Variants in PDE6C observed in about 807,000 individuals in gnomAD.
PDE6C encodes the protein phosphodiesterase 6C.
Under a neutral mutation model 113.1 loss-of-function variants are expected in PDE6C, and 75 were observed. That is an observed-to-expected ratio of 0.66 (90% CI 0.55 to 0.80). The LOEUF (loss-of-function observed/expected upper bound fraction) is 0.80. PDE6C is among the 30% of genes least tolerant of loss of function. The pLI, the probability that PDE6C is intolerant of heterozygous loss-of-function variation, is 0.00. For synonymous variants in PDE6C, 375 were observed against 363.7 expected (o/e 1.03, Z -0.35); for missense variants, 912 against 1,038.6 (o/e 0.88, Z 1.67).
chr10:93,616,887 C>T (rs2058422507), intron 1 of PDE6C, among the ~76,000 whole-genome samples: 1 of 152,118 alleles, frequency 6.6e-6, no homozygotes, highest in African/African-American at 2.4e-5. Context: ...CTTCTGACCT[C>T]GTGATCTGCC....
At chr10:93,633,465 CAA>C (rs111369291) in intron 8 of PDE6C, among the ~76,000 whole-genome samples, 191 of 87,296 alleles carry the variant, frequency 2.2e-3, no homozygotes, top group Non-Finnish European at 3.0e-3. Context: ...GACCCTGTCT[CAA>C]AAAAAAAAAA....
chr10:93,622,270 T>C (rs932806916), intron 4 of PDE6C, among the ~76,000 whole-genome samples, 198 bp downstream of exon 4: 6 of 148,986 alleles, frequency 4.0e-5, no homozygotes, highest in South Asian at 2.1e-4. Flanking sequence ...CCTAGTAATA[T>C]GGGTTTTCAG....
At chr10:93,621,079 T>G in intron 3 of PDE6C, 99 bp downstream of exon 3, 2 of 952,932 alleles carry the variant, frequency 2.1e-6, no homozygotes, top group Non-Finnish European at 3.4e-6. Flanking sequence ...CCTGGGGGTG[T>G]AAGCCACGTG....
At chr10:93,620,187 C>T (rs2058438534) in intron 1 of PDE6C, among the ~76,000 whole-genome samples, 1 of 152,142 alleles carries the variant, frequency 6.6e-6, no homozygotes, top group Non-Finnish European at 1.5e-5. Flanking sequence ...TATGTTATGA[C>T]ATATGGGTTG....
In PDE6C at chr10:93,622,656, TTTTTTGTTG is replaced by T. The variant is rs1374787498; in HGVS notation, c.864+590_864+598del. ...AGCCACAGGTTTTTTTTTTGTTTTT[TTTTTTGTTG>T]TTTTTTTTTTTTTGCTGTTTCTATA... On this transcript the variant is annotated intron_variant, in intron 4 of 21. Coordinates refer to ENST00000371447, the MANE Select transcript of PDE6C (RefSeq NM_006204.4). Among the ~76,000 whole-genome samples the T allele has an allele frequency of 3.7e-3, 265 of 71,730 alleles. 15 individuals carry two copies. The highest frequency in any genetic ancestry group is 7.0e-3 in the African/African-American group (127 of 18,098). 47.1% of individuals were successfully genotyped at this position (71,730 alleles called of 152,430 possible). A position where few individuals can be genotyped will look rare whatever the true frequency, so the allele number is the denominator to read the frequency against.
intron 15 of PDE6C, among the ~76,000 whole-genome samples, chr10:93,654,786 CTTT>C (rs1564804742): frequency 2.1e-4 from 15 of 71,350 alleles, no homozygotes; most frequent in African/African-American, 5.9e-4. Context: ...TTCTTTCTTT[CTTT>C]CTTTCTTTCT....
In PDE6C at chr10:93,612,645, A is replaced by T; in HGVS notation, c.-81A>T. On this transcript the variant is annotated 5_prime_UTR_variant, in exon 1 of 22. Coordinates refer to ENST00000371447, the MANE Select transcript of PDE6C (RefSeq NM_006204.4). ...TTCCTCAGTAATTTCCACCAGGATG[A>T]ATTTCCTTCTCATCACTCTGCCTCA... 1 of 1,593,918 alleles carries T rather than the reference A, an allele frequency of 6.3e-7. No homozygotes were observed. The highest frequency in any genetic ancestry group is 8.6e-7 in the Non-Finnish European group (1 of 1,165,952).
Position 93,665,706 on chromosome 10 carries a change from G to T in PDE6C, c.*288G>T. 4.9e-6 allele frequency: 2 copies of T among 407,164 alleles called. No homozygotes were observed. The highest frequency in any genetic ancestry group is 4.7e-5 in the South Asian group (2 of 43,000). 25.2% of individuals were successfully genotyped at this position (407,164 alleles called of 1,614,324 possible). On this transcript the variant is annotated 3_prime_UTR_variant, in exon 22 of 22. Transcript: ENST00000371447. ...CAAATTCTTTTTTAAAACATTAATT[G>T]TATTTATTTGCTAAGGCTGCTATAA...
At chr10:93,642,827 C>G (rs1449039710) in intron 14 of PDE6C, among the ~76,000 whole-genome samples, 4 of 152,174 alleles carry the variant, frequency 2.6e-5, no homozygotes, top group African/African-American at 9.7e-5. Context: ...GCAGTGACTC[C>G]TCATCTTCAG....
chr10:93,635,047 A>G lies in PDE6C; in HGVS notation c.1269+140A>G. The G allele has an allele frequency of 5.2e-6, 5 of 957,844 alleles. No individual in the cohort carries two copies. The South Asian group carries it at 5.8e-5, about 11-fold the overall frequency. 59.3% of individuals were successfully genotyped at this position (957,844 alleles called of 1,614,324 possible). On this transcript the variant is annotated intron_variant, in intron 9 of 21. Transcript: ENST00000371447. ...ACATAGCTGTAACCAATATGTTGTT[A>G]TTTTGTCGTTTCTATTTCCTGACTT... is the stretch of plus-strand genomic sequence containing the variant.
In PDE6C at chr10:93,625,612, T is replaced by C; in HGVS notation, c.902T>C (p.Val301Ala). The C allele has an allele frequency of 6.2e-7, 1 of 1,613,800 alleles. No individual in the cohort carries two copies. Among genetic ancestry groups the C allele is most frequent in the South Asian group, 1.1e-5 (1 of 91,080 alleles). The change falls in exon 5 of 22, where the codon GTA becomes GCA. Residue 301 changes from valine to alanine, a missense_variant. Coordinates refer to ENST00000371447, the MANE Select transcript of PDE6C (RefSeq NM_006204.4). ...GAATGGCCAATCAAGCTTGGAGAAG[T>C]AGAGCCTTATAAAGGTCCAAAGACA... ...YDEWPIKLGE[V>A]EPYKGPKTPD...
intron 15 of PDE6C, among the ~76,000 whole-genome samples, chr10:93,651,190 A>G (rs10786119): frequency 0.46 from 70,551 of 152,058 alleles, 17,340 homozygotes; most frequent in Non-Finnish European, 0.54. Context: ...GCCTAGTACC[A>G]TGGAAGAAGG....
intron 14 of PDE6C, among the ~76,000 whole-genome samples, chr10:93,643,352 A>T (rs909468562): frequency 6.6e-6 from 1 of 152,038 alleles, no homozygotes; most frequent in Non-Finnish European, 1.5e-5. Context: ...TCCTGACTGC[A>T]GACTGTCAGT....
intron 9 of PDE6C, 63 bp from the exon 10 acceptor site, chr10:93,635,434 G>A (rs1026891669): frequency 2.3e-6 from 3 of 1,328,004 alleles, no homozygotes; most frequent in African/African-American, 1.4e-5. Flanking sequence ...CGTGCAGATT[G>A]TTGCCTCCAA....
rs2058475552 is a variant in PDE6C at position 93,626,861 on chromosome 10, A to G, written c.1061A>G (p.Glu354Gly). The change falls in exon 7 of 22, where the codon GAA becomes GGA. Residue 354 changes from glutamate to glycine, a missense_variant. Coordinates refer to ENST00000371447, the MANE Select transcript of PDE6C (RefSeq NM_006204.4). ...AGTGGGTTGCCAACATATGTTGCTG[A>G]AAATGGATTTGTAAGTTATTGAACA... ...LISGLPTYVA[E>G]NGFICNMMNA... is the part of the protein sequence containing the mutation. 2 of 1,613,094 alleles carry G rather than the reference A, an allele frequency of 1.2e-6. No individual in the cohort carries two copies. Among genetic ancestry groups the G allele is most frequent in the African/African-American group, 1.3e-5 (1 of 74,918 alleles).
At chr10:93,626,528 T>C (rs1395320778) in intron 5 of PDE6C, 112 bp from the exon 6 acceptor site, 1 of 677,364 alleles carries the variant, frequency 1.5e-6, no homozygotes, top group African/African-American at 1.8e-5. Flanking sequence ...TAATATAATG[T>C]GGTTGGGAAA....
In PDE6C at chr10:93,613,069, T is replaced by C; in HGVS notation, c.344T>C (p.Leu115Pro). Residue 115 changes from leucine (L) to proline (P), a missense_variant, in exon 1 of 22, where the codon CTG (leucine) becomes CCG (proline). Physicochemically the swap from Leu to Pro is moderately conservative, Grantham distance 98. Transcript: ENST00000371447. Reference sequence around the variant, plus strand: ...ATACCTGAGGTGGCCTCTAGGTTGCTGGATGTCACCCCCACCTCCAAGTTT... The same window carrying C: ...ATACCTGAGGTGGCCTCTAGGTTGCCGGATGTCACCCCCACCTCCAAGTTT... ...NGIPEVASRL[L>P]DVTPTSKFED... 1.2e-6 allele frequency: 2 copies of C among 1,614,200 alleles called. No individual in the cohort carries two copies. The highest frequency in any genetic ancestry group is 1.7e-6 in the Non-Finnish European group (2 of 1,180,040).
chr10:93,626,252 G>C (rs187395724), intron 5 of PDE6C, among the ~76,000 whole-genome samples: 6 of 152,264 alleles, frequency 3.9e-5, no homozygotes, highest in Admixed American at 3.9e-4. Context: ...ACTGACTACA[G>C]TTAAGAAATT....
At chr10:93,647,913 A>G (rs2058592158) in intron 15 of PDE6C, among the ~76,000 whole-genome samples, 1 of 152,252 alleles carries the variant, frequency 6.6e-6, no homozygotes, top group South Asian at 2.1e-4. Flanking sequence ...CTAATTTGTT[A>G]TAAGTCTTTA....
Sources: allele counts gnomAD v4.1 joint callset (sites outside exome capture counted in the v4.1 genomes callset), GRCh38; gene constraint gnomAD v4.1.1; transcripts MANE v1.5; gene names NCBI Gene and HGNC (gene_info 2026-07-23, HGNC 2026-07-21).